Variants in AGPAT4 observed in about 807,000 individuals in gnomAD.
The protein encoded by AGPAT4 is 1-acylglycerol-3-phosphate O-acyltransferase 4.
In AGPAT4, 15 loss-of-function variants were observed where a neutral mutation model predicts 48.0. The observed-to-expected ratio is 0.31, with a 90% CI of 0.21 to 0.48. AGPAT4 has a LOEUF of 0.48. Among genes scored for constraint, AGPAT4 ranks in the 20% least tolerant of loss-of-function variants. AGPAT4 has a pLI of 0.99. For synonymous variants in AGPAT4, 178 were observed against 198.7 expected, an observed-to-expected ratio of 0.90 and a Z score of 0.88; for missense variants, 314 against 482.5, an observed-to-expected ratio of 0.65 and a Z score of 3.27.
At chr6:161,199,961 C>G (rs1203443710) in intron 2 of AGPAT4, among the ~76,000 whole-genome samples, 1 of 152,070 alleles carries the variant, frequency 6.6e-6, no homozygotes, top group East Asian at 1.9e-4. Context: ...CCTCCTGCCC[C>G]CTGAGAACAA....
intron 2 of AGPAT4, among the ~76,000 whole-genome samples, chr6:161,182,393 C>T (rs1780625614): frequency 6.7e-6 from 1 of 148,320 alleles, no homozygotes; most frequent in African/African-American, 2.5e-5. Flanking sequence ...TGCCCTCACC[C>T]CAGCCCTGCA....
rs550808604 is a variant in AGPAT4 at position 161,266,801 on chromosome 6, T to C, written c.-90+7137A>G. Among the ~76,000 whole-genome samples the C allele has an allele frequency of 7.9e-5, 12 of 152,284 alleles. No homozygotes were observed. Among genetic ancestry groups the C allele is most frequent in the African/African-American group, 2.6e-4 (11 of 41,554 alleles). ...AAGAAGATGTGCTTGCATAGACAGA[T>C]AGTTCTTTAAAATTTCATCCGCCTC... On this transcript the variant is annotated intron_variant, in intron 1 of 8. Coordinates refer to ENST00000320285, the MANE Select transcript of AGPAT4 (RefSeq NM_020133.3). This position sits in a 1 kb window ranked among gnomAD's most constrained non-coding sequence, Gnocchi z 6.2.
rs749257347 is a variant in AGPAT4, at chr6:161,229,211, G to A, written c.178+2825C>T. Among the ~76,000 whole-genome samples the A allele has an allele frequency of 2.6e-5, 4 of 152,110 alleles. No homozygotes were observed. The highest frequency in any genetic ancestry group is 6.5e-5 in the Admixed American group (1 of 15,280). On this transcript the variant is annotated intron_variant, in intron 2 of 8. Transcript: ENST00000320285. The surrounding 1 kb of genome is among the most constrained non-coding windows in gnomAD (Gnocchi z 6.0). The stretch of plus-strand genomic sequence containing the variant: ...GCGAACACAGAGATGGAAGGGCTCC[G>A]TGTCTCAAGGAAACATTTTTTTCTG...
rs1780049147 is a variant in AGPAT4 at position 161,164,906 on chromosome 6, A to C, written c.348+1342T>G. Among the ~76,000 whole-genome samples, 1 of 152,174 alleles carries C rather than the reference A, an allele frequency of 6.6e-6. No individual in the cohort carries two copies. The highest frequency in any genetic ancestry group is 2.4e-5 in the African/African-American group (1 of 41,438). ...GCCTGGAAAATCACCAGCTGCCTCT[A>C]AACTACAGTTTGAATTCCAGGAGAC... On this transcript the variant is annotated intron_variant, in intron 3 of 8. Coordinates refer to ENST00000320285, the MANE Select transcript of AGPAT4 (RefSeq NM_020133.3). The surrounding 1 kb of genome is among the most constrained non-coding windows in gnomAD (Gnocchi z 7.4).
Position 161,206,004 on chromosome 6 carries a change from G to A in AGPAT4, c.178+26032C>T, listed in dbSNP as rs185855442. On this transcript the variant is annotated intron_variant, in intron 2 of 8. Coordinates refer to ENST00000320285, the MANE Select transcript of AGPAT4 (RefSeq NM_020133.3). This position sits in a 1 kb window ranked among gnomAD's most constrained non-coding sequence, Gnocchi z 4.8. ...AGGCAGACCAGCTAGGGCACACCTC[G>A]GGATCTGAGGAACGACATGGTGGTG... 2.6e-5 allele frequency among the ~76,000 whole-genome samples: 4 copies of A among 152,164 alleles called. No homozygotes were observed. The highest frequency in any genetic ancestry group is 1.9e-4 in the East Asian group (1 of 5,180).
chr6:161,173,547 C>G (rs982689410), intron 2 of AGPAT4, among the ~76,000 whole-genome samples: 4 of 152,122 alleles, frequency 2.6e-5, no homozygotes, highest in African/African-American at 9.7e-5. Context: ...GATATTAGCC[C>G]TTTGTCAGAT....
chr6:161,248,036 A>G (rs564559695), intron 1 of AGPAT4, among the ~76,000 whole-genome samples: 220 of 151,806 alleles, frequency 1.4e-3, no homozygotes, highest in African/African-American at 5.1e-3. Context: ...AGGCAAGAGA[A>G]AGAAATAAAG....
rs1437702271 is a variant in AGPAT4 at position 161,164,152 on chromosome 6, G to A, written c.348+2096C>T. The stretch of plus-strand genomic sequence containing the variant: ...TGATCATGGATTCGGAAGCCTTTGG[G>A]AGCAAAACCCTAAACGGTGCTGAGA... On this transcript the variant is annotated intron_variant, in intron 3 of 8. Coordinates refer to ENST00000320285, the MANE Select transcript of AGPAT4 (RefSeq NM_020133.3). This position sits in a 1 kb window ranked among gnomAD's most constrained non-coding sequence, Gnocchi z 7.4. 6.6e-6 allele frequency among the ~76,000 whole-genome samples: 1 copy of A among 152,132 alleles called. No individual in the cohort carries two copies. The highest frequency in any genetic ancestry group is 1.9e-4 in the East Asian group (1 of 5,198).
At chr6:161,207,850 G>A (rs1463303848) in intron 2 of AGPAT4, among the ~76,000 whole-genome samples, 1 of 151,972 alleles carries the variant, frequency 6.6e-6, no homozygotes, top group Non-Finnish European at 1.5e-5. Flanking sequence ...GGGGAGAGAG[G>A]GATTCTGAGC....
rs1781954997 is a variant in AGPAT4, at chr6:161,225,563, C to G, written c.178+6473G>C. Among the ~76,000 whole-genome samples the G allele has an allele frequency of 1.3e-5, 2 of 152,192 alleles. No homozygotes were observed. The highest frequency in any genetic ancestry group is 4.8e-5 in the African/African-American group (2 of 41,442). On this transcript the variant is annotated intron_variant, in intron 2 of 8. Transcript: ENST00000320285. This position sits in a 1 kb window ranked among gnomAD's most constrained non-coding sequence, Gnocchi z 5.0. The stretch of plus-strand genomic sequence containing the variant: ...CTCCCAGGAGATACACCCCTTAGAA[C>G]TAGAAAAGAAAAGAAGGAAGGTTGC...
Position 161,149,102 on chromosome 6 carries a change from C to T in AGPAT4, c.767+85G>A, listed in dbSNP as rs990018953. The T allele has an allele frequency of 4.0e-6, 6 of 1,507,868 alleles. No individual in the cohort carries two copies. The highest frequency in any genetic ancestry group is 5.3e-6 in the Non-Finnish European group (6 of 1,129,632). 93.4% of individuals were successfully genotyped at this position (1,507,868 alleles called of 1,614,324 possible). A position where few individuals can be genotyped will look rare whatever the true frequency, so the allele number is the denominator to read the frequency against. On this transcript the variant is annotated intron_variant, in intron 6 of 8. Coordinates refer to ENST00000320285, the MANE Select transcript of AGPAT4 (RefSeq NM_020133.3). The surrounding 1 kb of genome is among the most constrained non-coding windows in gnomAD (Gnocchi z 6.5). ...AGAAGTCAGTGTGACCCAGGGATCCCTGGAAGAAAGTCTCTAGGTCATTTG... is the reference window on the plus strand; with the variant it reads ...AGAAGTCAGTGTGACCCAGGGATCCTTGGAAGAAAGTCTCTAGGTCATTTG...
At position 161,131,080 on chromosome 6, in the gene AGPAT4, G is replaced by T; in HGVS notation, c.*5460C>A. ...TACCACTCACCTCCCTTAAAATTCA[G>T]CAGAACCAGAGGTGCCAGAAATGTC... On this transcript the variant is annotated 3_prime_UTR_variant, in exon 9 of 9. Transcript: ENST00000320285. 3.3e-6 allele frequency: 1 copy of T among 298,880 alleles called. No homozygotes were observed. Among genetic ancestry groups the T allele is most frequent in the Non-Finnish European group, 6.9e-6 (1 of 144,626 alleles). 18.5% of individuals were successfully genotyped at this position (298,880 alleles called of 1,614,324 possible). A position where few individuals can be genotyped will look rare whatever the true frequency, so the allele number is the denominator to read the frequency against.
intron 1 of AGPAT4, among the ~76,000 whole-genome samples, chr6:161,252,507 T>C (rs6920683): frequency 0.21 from 32,518 of 152,144 alleles, 3,717 homozygotes; most frequent in Admixed American, 0.32. Flanking sequence ...GATTCAGCAA[T>C]TTTGCTTCTT....
Position 161,153,518 on chromosome 6 carries a change from G to A in AGPAT4, c.511-19C>T, listed in dbSNP as rs758242144. 1.4e-5 allele frequency: 22 copies of A among 1,612,440 alleles called. 1 individual carries two copies. In the South Asian group the frequency reaches 2.4e-4, roughly 18 times the overall value. On this transcript the variant is annotated intron_variant, in intron 4 of 8. Transcript: ENST00000320285. ...TCAGGAACTGGAAGGAAGGAGGCAG[G>A]AGTCGCACGCAGCCTCGGGGTCACA...
chr6:161,161,667 A>C lies in AGPAT4; in HGVS notation c.348+4581T>G, dbSNP rs1779940102. 2.8e-6 allele frequency: 1 copy of C among 359,630 alleles called. No individual in the cohort carries two copies. Among genetic ancestry groups the C allele is most frequent in the Admixed American group, 3.6e-5 (1 of 27,926 alleles). 22.3% of individuals were successfully genotyped at this position (359,630 alleles called of 1,614,324 possible). On this transcript the variant is annotated intron_variant, in intron 3 of 8. Coordinates refer to ENST00000320285, the MANE Select transcript of AGPAT4 (RefSeq NM_020133.3). The surrounding 1 kb of genome is among the most constrained non-coding windows in gnomAD (Gnocchi z 4.6). ...GAAACTTCTAACTTCTCTTCAGCCAAAGAGCCCTTGACAAGTGCATGTGTA... is the reference window on the plus strand; with the variant it reads ...GAAACTTCTAACTTCTCTTCAGCCACAGAGCCCTTGACAAGTGCATGTGTA...
chr6:161,177,670 G>A lies in AGPAT4; in HGVS notation c.179-11253C>T, dbSNP rs151303921. On this transcript the variant is annotated intron_variant, in intron 2 of 8. Coordinates refer to ENST00000320285, the MANE Select transcript of AGPAT4 (RefSeq NM_020133.3). The surrounding 1 kb of genome is among the most constrained non-coding windows in gnomAD (Gnocchi z 5.0). ...TCTCAACATGTCAAAGTCATTCTCC[G>A]TCCAGCTTTCTTCCATTGCTGCGAG... Among the ~76,000 whole-genome samples, 6 of 152,210 alleles carry A rather than the reference G, an allele frequency of 3.9e-5. No individual in the cohort carries two copies. Among genetic ancestry groups the A allele is most frequent in the East Asian group, 1.9e-4 (1 of 5,178 alleles).
chr6:161,160,400 T>C (rs1050758128), intron 3 of AGPAT4: 6 of 154,312 alleles, frequency 3.9e-5, no homozygotes, highest in African/African-American at 1.4e-4. Flanking sequence ...TGTATGCTGT[T>C]CCACAATTAG....
At position 161,187,697 on chromosome 6, in the gene AGPAT4, C is replaced by T. The variant is rs1283933654; in HGVS notation, c.179-21280G>A. 5.3e-5 allele frequency among the ~76,000 whole-genome samples: 8 copies of T among 152,184 alleles called. No homozygotes were observed. The East Asian group carries it at 7.7e-4, about 15-fold the overall frequency. On this transcript the variant is annotated intron_variant, in intron 2 of 8. Transcript: ENST00000320285. ...CTGGGATTACAGGTGTCCACCACCA[C>T]ACCCAGCTAATTTTTTTTGTATGTT...
At chr6:161,199,061 T>C (rs1241508881) in intron 2 of AGPAT4, among the ~76,000 whole-genome samples, 1 of 151,674 alleles carries the variant, frequency 6.6e-6, no homozygotes, top group Non-Finnish European at 1.5e-5. Flanking sequence ...TGCTTAATAA[T>C]GCAGGTTTTA....
Sources: gnomAD v4.1 joint callset for allele counts (sites outside exome capture counted in the v4.1 genomes callset) on GRCh38, gnomAD v4.1.1 for gene constraint, Gnocchi (gnomAD v3.1) non-coding constraint, MANE v1.5 for transcripts, NCBI Gene and HGNC (gene_info 2026-07-23, HGNC 2026-07-21) for gene names.